TIGAR: variants seen among roughly 807,000 people sequenced by gnomAD.
TIGAR encodes TP53 induced glycolysis regulatory phosphatase.
Under a neutral mutation model 17.9 loss-of-function variants are expected in TIGAR, and 7 were observed. The observed-to-expected ratio is 0.39, with a 90% CI of 0.22 to 0.73. The LOEUF (loss-of-function observed/expected upper bound fraction) is 0.73, where lower values mean the gene tolerates loss of function less well. Among genes scored for constraint, TIGAR ranks in the 30% least tolerant of loss-of-function variants. The pLI is 0.42. For missense variants in TIGAR, 258 were observed against 327.4 expected, an observed-to-expected ratio of 0.79 and a Z score of 1.64; for synonymous variants, 94 against 108.6, an observed-to-expected ratio of 0.87 and a Z score of 0.84.
In TIGAR at chr12:4,352,539, C is replaced by CT; in HGVS notation, c.662dup (p.Ser222GlufsTer4). The CT allele has an allele frequency of 6.2e-7, 1 of 1,614,104 alleles. No individual in the cohort carries two copies. The highest frequency in any genetic ancestry group is 1.1e-5 in the South Asian group (1 of 91,078). On this transcript the variant is annotated frameshift_variant, in exon 6 of 6. Transcript: ENST00000179259. LOFTEE classifies it low-confidence loss of function (END_TRUNC). ...CCTTAAGTGTTCCTTACCAGCCACT[C>CT]TGAGCAGATCTGAACTTATGTCAGT...
At chr12:4,325,741 C>CAAAAA (rs11447841) in intron 1 of TIGAR, among the ~76,000 whole-genome samples, 1 of 111,848 alleles carries the variant, frequency 8.9e-6, no homozygotes, top group Non-Finnish European at 1.9e-5. Context: ...AAACTCGTCT[C>CAAAAA]AAAAAAAAAA....
intron 2 of TIGAR, among the ~76,000 whole-genome samples, chr12:4,335,319 G>A (rs1864646386): frequency 6.6e-6 from 1 of 151,522 alleles, no homozygotes; most frequent in Non-Finnish European, 1.5e-5. Context: ...TTGCAGGCGT[G>A]AGCCACCATG....
chr12:4,329,433 G>A (rs946788347), intron 1 of TIGAR, among the ~76,000 whole-genome samples: 3 of 145,678 alleles, frequency 2.1e-5, no homozygotes, highest in African/African-American at 5.1e-5. Flanking sequence ...CTGCCTCCCG[G>A]GTTTAAACAA....
intron 1 of TIGAR, among the ~76,000 whole-genome samples, chr12:4,322,069 C>G (rs1864486872): frequency 6.6e-6 from 1 of 152,086 alleles, no homozygotes; most frequent in African/African-American, 2.4e-5. Context: ...TATCTCTGCT[C>G]ACTGCAACCT....
rs778405492 is a variant in TIGAR at position 4,331,314 on chromosome 12, C to T, written c.67C>T (p.Gln23Ter). The T allele has an allele frequency of 1.9e-6, 3 of 1,609,130 alleles. No individual in the cohort carries two copies. The highest frequency in any genetic ancestry group is 2.6e-6 in the Non-Finnish European group (3 of 1,175,712). ...AAGATTTAACAAGGAGAAAATAATCCAAGGTTGGTATAATCCGATTGTTAT... is the reference window on the plus strand; with the variant it reads ...AAGATTTAACAAGGAGAAAATAATCTAAGGTTGGTATAATCCGATTGTTAT... ...ETRFNKEKIIQGQGVDEPLSE... is the reference protein window; with the variant it reads ...ETRFNKEKII Residue 23 changes from glutamine to a stop codon, truncating the protein, a stop_gained, in exon 2 of 6, where the codon CAA becomes TAA. Coordinates refer to ENST00000179259, the MANE Select transcript of TIGAR (RefSeq NM_020375.3). LOFTEE classifies it high-confidence loss of function.
rs189191514 is a variant in TIGAR, at chr12:4,341,213, C to A, written c.192+4053C>A. Among the ~76,000 whole-genome samples the A allele has an allele frequency of 1.7e-3, 265 of 152,036 alleles. 3 individuals carry two copies. Among genetic ancestry groups the A allele is most frequent in the Admixed American group, 0.016 (248 of 15,264 alleles). ...TATAGGAAAAAATCTAATAATCCAA[C>A]TAAAAATGGGCAAAATGTCTGAATA... On this transcript the variant is annotated intron_variant, in intron 3 of 5. Coordinates refer to ENST00000179259, the MANE Select transcript of TIGAR (RefSeq NM_020375.3).
intron 1 of TIGAR, among the ~76,000 whole-genome samples, chr12:4,325,799 T>G (rs561110678): frequency 1.3e-5 from 2 of 150,938 alleles, no homozygotes; most frequent in East Asian, 3.9e-4. Flanking sequence ...GCTCTTGAAA[T>G]CTTCTATATT....
In TIGAR at chr12:4,352,365, G is replaced by A. The variant is rs1864846314; in HGVS notation, c.487G>A (p.Glu163Lys). 6.2e-7 allele frequency: 1 copy of A among 1,614,104 alleles called. No individual in the cohort carries two copies. Among genetic ancestry groups the A allele is most frequent in the East Asian group, 2.2e-5 (1 of 44,876 alleles). The stretch of plus-strand genomic sequence containing the variant: ...CCAAGGATCTCCAAGCAACTGTCTG[G>A]AAACTTCTTTGGCAGAGATATTTCC... Reference protein sequence around the residue: ...FSQGSPSNCLETSLAEIFPLG... With the variant: ...FSQGSPSNCLKTSLAEIFPLG... Residue 163 changes from glutamate to lysine, a missense_variant, in exon 6 of 6, where the codon GAA (glutamate) becomes AAA (lysine). By Grantham distance (56) the Glu-to-Lys change is moderately conservative (BLOSUM62 1). Coordinates refer to ENST00000179259, the MANE Select transcript of TIGAR (RefSeq NM_020375.3).
At chr12:4,329,481 G>T (rs1864581957) in intron 1 of TIGAR, among the ~76,000 whole-genome samples, 1 of 151,832 alleles carries the variant, frequency 6.6e-6, no homozygotes, top group African/African-American at 2.4e-5. Context: ...TGGGATTACA[G>T]ACGCCCGCCA....
chr12:4,324,340 TGG>T, intron 1 of TIGAR: 1 of 732,372 alleles, frequency 1.4e-6, no homozygotes, highest in Non-Finnish European at 2.3e-6. Context: ...TTTTTTTTTT[TGG>T]AAATATGTGT....
At chr12:4,324,365 T>A (rs1864513628) in intron 1 of TIGAR, 2 of 952,182 alleles carry the variant, frequency 2.1e-6, no homozygotes, top group East Asian at 2.4e-5. Flanking sequence ...CTTTATTAGC[T>A]GAGCCACTAC....
intron 2 of TIGAR, 44 bp from the exon 3 acceptor site, chr12:4,336,995 A>G (rs1262446127): frequency 6.5e-7 from 1 of 1,535,218 alleles, no homozygotes; most frequent in Admixed American, 1.8e-5. Context: ...CATCTCTGAT[A>G]TGTAGTTTTG....
chr12:4,346,216 G>A (rs1864778510), intron 3 of TIGAR, among the ~76,000 whole-genome samples: 3 of 152,306 alleles, frequency 2.0e-5, no homozygotes, highest in African/African-American at 7.2e-5. Context: ...CAGGGATCTA[G>A]AACTAGAAAT....
chr12:4,338,719 A>G (rs971695923), intron 3 of TIGAR, among the ~76,000 whole-genome samples: 3 of 151,998 alleles, frequency 2.0e-5, no homozygotes, highest in African/African-American at 7.2e-5. Flanking sequence ...ATCTTAAAGA[A>G]CAAGAAAAGC....
At chr12:4,343,090 G>C (rs1283089418) in intron 3 of TIGAR, among the ~76,000 whole-genome samples, 5 of 152,142 alleles carry the variant, frequency 3.3e-5, no homozygotes, top group Non-Finnish European at 5.9e-5. Flanking sequence ...TGCAGTTCTA[G>C]TCTCTGATAA....
intron 3 of TIGAR, among the ~76,000 whole-genome samples, chr12:4,342,316 C>G (rs1173803450): frequency 2.0e-5 from 3 of 152,054 alleles, no homozygotes; most frequent in Non-Finnish European, 4.4e-5. Flanking sequence ...CACTCTGCAG[C>G]ATATTATCCA....
rs543198885 is a variant in TIGAR at position 4,350,801 on chromosome 12, G to T, written c.271-466G>T. ...CAAAAAAAAAAAAAAGAAAAAAAAA[G>T]AAATAGATCTCTCATGTTAGCGTCT... On this transcript the variant is annotated intron_variant, in intron 4 of 5. Transcript: ENST00000179259. 6.9e-4 allele frequency among the ~76,000 whole-genome samples: 104 copies of T among 151,094 alleles called. 4 individuals are homozygous for T. The South Asian group carries it at 0.02, about 28-fold the overall frequency.
chr12:4,336,283 G>A lies in TIGAR; in HGVS notation c.71-756G>A, dbSNP rs144575794. ...GTTGTGTTTAGTCCTCCCGCTTGCC[G>A]TCCCCTCCAGCAGGCCTCCTCTCCC... is the stretch of plus-strand genomic sequence containing the variant. On this transcript the variant is annotated intron_variant, in intron 2 of 5. Coordinates refer to ENST00000179259, the MANE Select transcript of TIGAR (RefSeq NM_020375.3). 5.1e-4 allele frequency among the ~76,000 whole-genome samples: 78 copies of A among 152,240 alleles called. 2 individuals carry two copies. In the East Asian group the frequency reaches 0.014, roughly 27 times the overall value.
chr12:4,349,719 A>C, intron 3 of TIGAR, 100 bp from the exon 4 acceptor site: 1 of 1,001,654 alleles, frequency 1.0e-6, no homozygotes, highest in South Asian at 1.6e-5. Flanking sequence ...GCCTGGTTCT[A>C]GTTCTTTTTT....
Sources: gnomAD v4.1 joint callset for allele counts (sites outside exome capture counted in the v4.1 genomes callset) on GRCh38, gnomAD v4.1.1 for gene constraint, MANE v1.5 for transcripts, NCBI Gene and HGNC (gene_info 2026-07-23, HGNC 2026-07-21) for gene names.